SETDB1: variants seen among roughly 807,000 people sequenced by gnomAD.
SETDB1 encodes histone-lysine N-methyltransferase SETDB1.
Under a neutral mutation model 137.4 loss-of-function variants are expected in SETDB1, and 31 were observed. That is an observed-to-expected ratio of 0.23 (90% CI 0.17 to 0.30). The LOEUF (loss-of-function observed/expected upper bound fraction) is 0.30. Among genes scored for constraint, SETDB1 ranks in the 10% least tolerant of loss-of-function variants. The pLI, the probability that SETDB1 is intolerant of heterozygous loss-of-function variation, is 1.00. For missense variants in SETDB1, 1,113 were observed against 1,631.5 expected (o/e 0.68, Z 5.47); for synonymous variants, 548 against 579.9 (o/e 0.95, Z 0.79).
At chr1:150,952,148 T>TAAA (rs587604868) in intron 14 of SETDB1, among the ~76,000 whole-genome samples, 6 of 142,720 alleles carry the variant, frequency 4.2e-5, no homozygotes, top group African/African-American at 1.5e-4. Context: ...GACTCTGCCT[T>TAAA]AAAAAAAAAA....
chr1:150,963,628 G>A lies in SETDB1; in HGVS notation c.3559G>A (p.Asp1187Asn). The change falls in exon 20 of 22, where the codon GAC (aspartate) becomes AAC (asparagine). Residue 1187 changes from aspartate to asparagine, a missense_variant. Physicochemically the swap from Asp to Asn is conservative, Grantham distance 23. This residue lies in a region of SETDB1 where 373 missense variants were observed against 412.7 expected (regional missense o/e 0.90). Coordinates refer to ENST00000692827, the MANE Select transcript of SETDB1 (RefSeq NM_001366418.1). ...TAAATCAACCAACATGGCCTCTGTG[G>A]ACAAGGGGGAGAGCGCACCTGTTCG... ...AIKSTNMASV[D>N]KGESAPVRKN... 6.2e-7 allele frequency: 1 copy of A among 1,614,130 alleles called. No homozygotes were observed. Among genetic ancestry groups the A allele is most frequent in the Non-Finnish European group, 8.5e-7 (1 of 1,180,022 alleles).
intron 12 of SETDB1, 56 bp downstream of exon 12, chr1:150,949,581 G>C: frequency 6.5e-7 from 1 of 1,533,066 alleles, no homozygotes; most frequent in Non-Finnish European, 9.0e-7. Flanking sequence ...TCACTGTGTA[G>C]GGGAAGGTTC....
intron 3 of SETDB1, among the ~76,000 whole-genome samples, chr1:150,931,403 G>T (rs1413237649): frequency 6.6e-6 from 1 of 151,332 alleles, no homozygotes; most frequent in Non-Finnish European, 1.5e-5. Context: ...GGCTAACACG[G>T]TGAAACCCCA....
chr1:150,958,005 G>A (rs767863559), intron 14 of SETDB1, among the ~76,000 whole-genome samples: 1 of 152,062 alleles, frequency 6.6e-6, no homozygotes, highest in Non-Finnish European at 1.5e-5. Context: ...TGATCAACAT[G>A]GATAAACTCC....
intron 10 of SETDB1, among the ~76,000 whole-genome samples, chr1:150,947,348 C>T (rs1401459108): frequency 5.3e-5 from 8 of 151,764 alleles, no homozygotes; most frequent in African/African-American, 1.5e-4. Context: ...TAAATAGACC[C>T]GGGGCTTGAT....
In SETDB1 at chr1:150,949,503, C is replaced by A; in HGVS notation, c.1561C>A (p.Pro521Thr). The A allele has an allele frequency of 6.2e-7, 1 of 1,614,086 alleles. No homozygotes were observed. Among genetic ancestry groups the A allele is most frequent in the Non-Finnish European group, 8.5e-7 (1 of 1,180,018 alleles). ...CAGTGAAAATGTCTCTGGTGGGAAA[C>A]CTGGGATCAACCAGACATATAGGTG... is the stretch of plus-strand genomic sequence containing the variant. ...ALSENVSGGK[P>T]GINQTYRSPL... Residue 521 changes from proline to threonine, a missense_variant, in exon 12 of 22, where the codon CCT becomes ACT. Around this residue, in one of 11 missense-constraint regions of SETDB1, gnomAD observed 192 missense variants for 198.1 expected, o/e 0.97. Coordinates refer to ENST00000692827, the MANE Select transcript of SETDB1 (RefSeq NM_001366418.1).
In SETDB1 at chr1:150,950,785, G is replaced by T; in HGVS notation, c.1911G>T (p.Arg637=). The T allele has an allele frequency of 6.2e-7, 1 of 1,614,208 alleles. No individual in the cohort carries two copies. The highest frequency in any genetic ancestry group is 8.5e-7 in the Non-Finnish European group (1 of 1,180,042). The change falls in exon 13 of 22, where the codon CGG becomes CGT. Residue 637 remains arginine, a synonymous_variant. Coordinates refer to ENST00000692827, the MANE Select transcript of SETDB1 (RefSeq NM_001366418.1). ...IYKTPCGLCL[R]TMQEIERYLF... is the part of the protein sequence containing the mutation. ...AGACACCTTGTGGTCTCTGCCTTCG[G>T]ACAATGCAGGAGATAGAACGCTACC...
chr1:150,946,774 C>T, intron 9 of SETDB1, 112 bp from the exon 10 acceptor site: 1 of 1,261,754 alleles, frequency 7.9e-7, no homozygotes, highest in East Asian at 2.4e-5. Flanking sequence ...GAATTTAAGG[C>T]TCATCAGGGA....
Position 150,962,974 on chromosome 1 carries a change from G to A in SETDB1, c.3295G>A (p.Asp1099Asn). 9.9e-6 allele frequency: 16 copies of A among 1,612,952 alleles called. No individual in the cohort carries two copies. The highest frequency in any genetic ancestry group is 1.3e-5 in the Non-Finnish European group (15 of 1,179,210). ...ACTTCTTACCCTCCTGCTTCCCCAGGATGTCCTGACACTGTCCAGCAGCAC... is the reference window on the plus strand; with the variant it reads ...ACTTCTTACCCTCCTGCTTCCCCAGAATGTCCTGACACTGTCCAGCAGCAC... Reference protein sequence around the residue: ...LMASAQSNPDDVLTLSSSTES... With the variant: ...LMASAQSNPDNVLTLSSSTES... Residue 1099 changes from aspartate (D) to asparagine (N), a missense_variant and splice_region_variant, in exon 19 of 22, where the codon GAT becomes AAT. Transcript: ENST00000692827.
chr1:150,941,655 A>G (rs587715071), intron 5 of SETDB1, among the ~76,000 whole-genome samples: 1 of 152,216 alleles, frequency 6.6e-6, no homozygotes, highest in South Asian at 2.1e-4. Context: ...GACTGCTTCC[A>G]GGTGGAGATT....
intron 4 of SETDB1, 92 bp downstream of exon 4, chr1:150,940,066 T>C (rs1670084923): frequency 1.2e-6 from 1 of 843,034 alleles, no homozygotes; most frequent in Admixed American, 2.1e-5. Flanking sequence ...TAGCTGTCAG[T>C]ATCTAATCAT....
rs587641016 is a variant in SETDB1 at position 150,928,026 on chromosome 1, T to C, written c.260+52T>C. On this transcript the variant is annotated intron_variant, in intron 2 of 21. Transcript: ENST00000692827. The stretch of plus-strand genomic sequence containing the variant: ...AAATCTCTCCATTGGGAGATGTTTT[T>C]AGAGAATAATTGTTCATGACATTGA... The C allele has an allele frequency of 2.5e-6, 4 of 1,573,778 alleles. No individual in the cohort carries two copies. In the East Asian group the frequency reaches 9.0e-5, roughly 35 times the overall value.
chr1:150,941,991 TTAGCCAGGCGTGG>T (rs1670175875), intron 5 of SETDB1, among the ~76,000 whole-genome samples: 1 of 150,120 alleles, frequency 6.7e-6, no homozygotes, highest in African/African-American at 2.5e-5. Context: ...AATACAAAAA[TTAGCCAGGCGTGG>T]TGGCGCACGC....
intron 2 of SETDB1, chr1:150,928,278 C>T (rs1392106602): frequency 5.8e-6 from 2 of 345,924 alleles, no homozygotes; most frequent in Non-Finnish European, 1.1e-5. Flanking sequence ...AGGCTGTGTA[C>T]CAAACATTTT....
Position 150,942,665 on chromosome 1 carries a change from C to G in SETDB1, c.650C>G (p.Thr217Ser). Residue 217 changes from threonine (T) to serine (S), a missense_variant, in exon 6 of 22, where the codon ACC (threonine) becomes AGC (serine). Thr to Ser is a moderately conservative substitution (Grantham distance 58). This residue lies in a region of SETDB1 where 154 missense variants were observed against 303.1 expected (regional missense o/e 0.51). Transcript: ENST00000692827. The part of the protein sequence containing the change: ...KKRTKTWHKG[T>S]LIAIQTVGPG... ...AGAACTAAGACTTGGCACAAAGGCA[C>G]CCTTATTGCCATCCAGACAGTTGGT... 1 of 1,613,236 alleles carries G rather than the reference C, an allele frequency of 6.2e-7. No individual in the cohort carries two copies. The highest frequency in any genetic ancestry group is 2.2e-5 in the East Asian group (1 of 44,874).
chr1:150,945,367 C>T (rs749663057), intron 9 of SETDB1: 34 of 1,283,498 alleles, frequency 2.6e-5, no homozygotes, highest in Middle Eastern at 2.8e-4. Context: ...GGAGTATTCA[C>T]ATTGTGTGTA....
intron 12 of SETDB1, 58 bp from the exon 13 acceptor site, chr1:150,950,400 A>C: frequency 7.0e-7 from 1 of 1,435,418 alleles, no homozygotes; most frequent in Non-Finnish European, 9.4e-7. Flanking sequence ...CTGGAGGGTT[A>C]ATTATAAAAC....
chr1:150,963,388 T>C, intron 19 of SETDB1, 142 bp from the exon 20 acceptor site: 1 of 839,832 alleles, frequency 1.2e-6, no homozygotes, highest in Non-Finnish European at 1.9e-6. Context: ...AAAAACCTGC[T>C]ACTTAGGATC....
intron 14 of SETDB1, among the ~76,000 whole-genome samples, chr1:150,953,991 A>G (rs1670573640): frequency 1.3e-5 from 2 of 151,524 alleles, no homozygotes; most frequent in Non-Finnish European, 2.9e-5. Context: ...AGAAGCTGGG[A>G]CTACAGTCGC....
Sources: allele counts gnomAD v4.1 joint callset (sites outside exome capture counted in the v4.1 genomes callset), GRCh38; gene constraint gnomAD v4.1.1; regional missense constraint gnomAD v4.1.1; transcripts MANE v1.5; gene names NCBI Gene and HGNC (gene_info 2026-07-23, HGNC 2026-07-21).